CCDC85A: variants seen among roughly 807,000 people sequenced by gnomAD.
CCDC85A encodes the protein coiled-coil domain containing 85A.
CCDC85A carries 38 observed loss-of-function variants against 50.2 expected under a neutral mutation model. The ratio of observed to expected loss-of-function variants is 0.76; its 90% CI spans 0.58 to 0.99. CCDC85A has a LOEUF of 0.99. Among genes scored for constraint, CCDC85A ranks in the 50% least tolerant of loss-of-function variants. The probability of loss-of-function intolerance (pLI) is 0.00; values close to 1 mark genes in which losing one functional copy is unlikely to be tolerated. For missense variants in CCDC85A, 820 were observed against 742.0 expected, an observed-to-expected ratio of 1.11 and a Z score of -1.22; for synonymous variants, 366 against 301.4, an observed-to-expected ratio of 1.21 and a Z score of -2.22.
chr2:56,372,504 G>T (rs747624822), intron 4 of CCDC85A, 26 bp downstream of exon 4: 31 of 1,562,814 alleles, frequency 2.0e-5, no homozygotes, highest in African/African-American at 4.1e-5. Context: ...TCAGCTGGAT[G>T]CATTTGCTTG....
intron 2 of CCDC85A, among the ~76,000 whole-genome samples, chr2:56,240,103 C>T (rs1351242375): frequency 2.0e-5 from 3 of 152,100 alleles, no homozygotes; most frequent in Admixed American, 2.0e-4. Context: ...ATGATCATCA[C>T]TATTTAATTT....
rs529229287 is a variant in CCDC85A at position 56,219,902 on chromosome 2, G to C, written c.1240+26462G>C. 3.3e-5 allele frequency among the ~76,000 whole-genome samples: 5 copies of C among 151,986 alleles called. No individual in the cohort carries two copies. The South Asian group carries it at 1.0e-3, about 31-fold the overall frequency. On this transcript the variant is annotated intron_variant, in intron 2 of 5. Coordinates refer to ENST00000407595, the MANE Select transcript of CCDC85A (RefSeq NM_001080433.2). ...CATGACACTAAAATATAGTAGAAAC[G>C]ACAGAGCCAGAAACAATGACAATAC...
At chr2:56,363,374 A>G (rs913790966) in intron 3 of CCDC85A, among the ~76,000 whole-genome samples, 7 of 152,206 alleles carry the variant, frequency 4.6e-5, no homozygotes, top group Middle Eastern at 3.2e-3. Context: ...GCATAAGATC[A>G]TTGCTAACGC....
intron 2 of CCDC85A, among the ~76,000 whole-genome samples, chr2:56,263,793 C>A (rs1206544862): frequency 6.6e-6 from 1 of 152,174 alleles, no homozygotes; most frequent in Non-Finnish European, 1.5e-5. Context: ...TCCCAGACTT[C>A]TTTGCTTATT....
intron 2 of CCDC85A, among the ~76,000 whole-genome samples, chr2:56,312,316 G>A (rs868159758): frequency 1.7e-4 from 26 of 152,172 alleles, no homozygotes; most frequent in Admixed American, 5.9e-4. Context: ...CGTGGACTGT[G>A]TTGGAACGCC....
At chr2:56,318,801 C>T (rs1235116996) in intron 2 of CCDC85A, among the ~76,000 whole-genome samples, 1 of 152,096 alleles carries the variant, frequency 6.6e-6, no homozygotes, top group Non-Finnish European at 1.5e-5. Flanking sequence ...ACTCCTATTT[C>T]AGATTCCCAA....
At chr2:56,215,272 T>G (rs1677343441) in intron 2 of CCDC85A, among the ~76,000 whole-genome samples, 1 of 151,962 alleles carries the variant, frequency 6.6e-6, no homozygotes, top group South Asian at 2.1e-4. Context: ...GTTTTCTTGT[T>G]GTTGGCGGCT....
chr2:56,285,466 T>C lies in CCDC85A; in HGVS notation c.1241-57413T>C, dbSNP rs548634684. ...ATTAATAATATAATTAATTATATTA[T>C]TAATTATATTATATTAATATTACAT... On this transcript the variant is annotated intron_variant, in intron 2 of 5. Transcript: ENST00000407595. 6.3e-4 allele frequency among the ~76,000 whole-genome samples: 91 copies of C among 144,364 alleles called. 1 individual carries two copies. Among genetic ancestry groups the C allele is most frequent in the African/African-American group, 2.2e-3 (84 of 38,550 alleles). The allele number at this position is 144,364 out of a possible 152,430, so 94.7% of individuals were successfully genotyped here. A position where few individuals can be genotyped will look rare whatever the true frequency, so the allele number is the denominator to read the frequency against.
intron 2 of CCDC85A, among the ~76,000 whole-genome samples, chr2:56,233,961 G>T (rs1334270149): frequency 6.6e-6 from 1 of 152,182 alleles, no homozygotes; most frequent in African/African-American, 2.4e-5. Context: ...AATTGGAAAT[G>T]CAAGGGCTGG....
At chr2:56,227,632 G>C (rs533272527) in intron 2 of CCDC85A, among the ~76,000 whole-genome samples, 2 of 152,094 alleles carry the variant, frequency 1.3e-5, no homozygotes, top group African/African-American at 4.8e-5. Context: ...GTTCTCTTCT[G>C]AAATATTATA....
At chr2:56,207,544 A>G (rs769369702) in intron 2 of CCDC85A, among the ~76,000 whole-genome samples, 6 of 152,122 alleles carry the variant, frequency 3.9e-5, no homozygotes, top group Non-Finnish European at 8.8e-5. Context: ...TTATTTTTTG[A>G]TTCTCCTTTT....
intron 2 of CCDC85A, among the ~76,000 whole-genome samples, chr2:56,281,094 A>G (rs997421189): frequency 1.6e-4 from 24 of 152,142 alleles, no homozygotes; most frequent in African/African-American, 4.8e-4. Flanking sequence ...ACCCTCTTAC[A>G]GTGAATCTCT....
intron 2 of CCDC85A, among the ~76,000 whole-genome samples, chr2:56,302,611 C>CTA (rs1672260110): frequency 6.6e-6 from 1 of 152,162 alleles, no homozygotes; most frequent in Non-Finnish European, 1.5e-5. Flanking sequence ...TTGTTTAGCA[C>CTA]AAGAGATATG....
chr2:56,188,924 A>G (rs146867286), intron 1 of CCDC85A, among the ~76,000 whole-genome samples: 15 of 152,360 alleles, frequency 9.8e-5, no homozygotes, highest in African/African-American at 3.4e-4. Flanking sequence ...CCTGCTCTCC[A>G]GAAGCTAAGA....
chr2:56,364,405 C>T (rs1267447161), intron 3 of CCDC85A, among the ~76,000 whole-genome samples: 1 of 152,138 alleles, frequency 6.6e-6, no homozygotes, highest in Non-Finnish European at 1.5e-5. Flanking sequence ...AAATTACTTT[C>T]TTTTCCTTCC....
At chr2:56,356,525 G>A (rs1675234248) in intron 3 of CCDC85A, among the ~76,000 whole-genome samples, 1 of 152,158 alleles carries the variant, frequency 6.6e-6, no homozygotes, top group Non-Finnish European at 1.5e-5. Flanking sequence ...CCTAAGGTCA[G>A]GGATTCAAGA....
At chr2:56,323,572 C>A (rs1025984309) in intron 2 of CCDC85A, among the ~76,000 whole-genome samples, 1 of 151,952 alleles carries the variant, frequency 6.6e-6, no homozygotes, top group Non-Finnish European at 1.5e-5. Context: ...TGGGGAAGAA[C>A]CTTCTCTAAG....
chr2:56,272,660 AG>A, intron 2 of CCDC85A, among the ~76,000 whole-genome samples: 1 of 152,338 alleles, frequency 6.6e-6, no homozygotes, highest in East Asian at 1.9e-4. Context: ...TCTACACAGA[AG>A]GTTCAGCACA....
At chr2:56,288,691 C>T (rs1558624544) in intron 2 of CCDC85A, among the ~76,000 whole-genome samples, 1 of 147,540 alleles carries the variant, frequency 6.8e-6, no homozygotes, top group Non-Finnish European at 1.5e-5. Flanking sequence ...TCCCACCATG[C>T]CCCCCCCACC....
Sources: gnomAD v4.1 joint callset for allele counts (sites outside exome capture counted in the v4.1 genomes callset) on GRCh38, gnomAD v4.1.1 for gene constraint, MANE v1.5 for transcripts, NCBI Gene and HGNC (gene_info 2026-07-23, HGNC 2026-07-21) for gene names.